PLAAT5: variants seen among roughly 807,000 people sequenced by gnomAD.
PLAAT5 encodes the protein phospholipase A and acyltransferase 5.
In PLAAT5, 27 loss-of-function variants were observed where a neutral mutation model predicts 27.8. The ratio of observed to expected loss-of-function variants is 0.97; its 90% CI spans 0.72 to 1.34. PLAAT5 has a LOEUF of 1.34. PLAAT5 is among the 40% of genes most tolerant of loss of function. The pLI is 0.00. For missense variants in PLAAT5, 368 were observed against 343.8 expected (o/e 1.07, Z -0.56); for synonymous variants, 125 against 136.1 (o/e 0.92, Z 0.57).
At chr11:63,484,932 T>C (rs1197777500) in intron 3 of PLAAT5, among the ~76,000 whole-genome samples, 2 of 152,114 alleles carry the variant, frequency 1.3e-5, no homozygotes, top group African/African-American at 4.8e-5. Context: ...GGTAAATCAA[T>C]TTAGCAAAGT....
intron 3 of PLAAT5, among the ~76,000 whole-genome samples, chr11:63,484,822 G>A (rs1402940372): frequency 6.6e-6 from 1 of 152,098 alleles, no homozygotes; most frequent in African/African-American, 2.4e-5. Flanking sequence ...AGAAATAAAG[G>A]GCATCCAAAT....
intron 4 of PLAAT5, 118 bp from the exon 5 acceptor site, chr11:63,466,490 G>A: frequency 9.7e-7 from 1 of 1,031,754 alleles, no homozygotes; most frequent in Admixed American, 2.7e-5. Context: ...CAGTAGAAGG[G>A]TGGCAGAAGA....
chr11:63,473,647 G>T (rs1307820045), intron 3 of PLAAT5, among the ~76,000 whole-genome samples: 8 of 150,660 alleles, frequency 5.3e-5, no homozygotes, highest in Admixed American at 5.3e-4. Context: ...TTTTCCAGAG[G>T]TATTGAGATG....
intron 3 of PLAAT5, among the ~76,000 whole-genome samples, chr11:63,484,623 C>T (rs2016391326): frequency 1.3e-5 from 2 of 152,022 alleles, no homozygotes; most frequent in Non-Finnish European, 2.9e-5. Context: ...TCAACAAAAT[C>T]AGCATAAAAG....
At position 63,490,944 on chromosome 11, in the gene PLAAT5, T is replaced by A. The variant is rs10897424; in HGVS notation, c.91A>T (p.Ser31Cys). ...GGCGGCTGGTCCTTGGGCCCGGTAC[T>A]GGCGGTTCGCGAGGCGGGTTTGGGG... is the stretch of plus-strand genomic sequence containing the variant. ...PLPKPASRTA[S>C]TGPKDQPPAL... The change falls in exon 1 of 6, where the codon AGT becomes TGT. Residue 31 changes from serine to cysteine, a missense_variant. By Grantham distance (112) the Ser-to-Cys change is moderately radical (BLOSUM62 -1). Coordinates refer to ENST00000540857, the MANE Select transcript of PLAAT5 (RefSeq NM_001146729.2). 1 of 1,599,646 alleles carries A rather than the reference T, an allele frequency of 6.3e-7. No individual in the cohort carries two copies. The highest frequency in any genetic ancestry group is 8.5e-7 in the Non-Finnish European group (1 of 1,173,604).
chr11:63,488,172 GAGAC>G (rs773474521), intron 3 of PLAAT5, among the ~76,000 whole-genome samples: 170 of 152,196 alleles, frequency 1.1e-3, no homozygotes, highest in Non-Finnish European at 1.7e-3. Flanking sequence ...TTATATGAAG[GAGAC>G]AGACAAAGAA....
chr11:63,471,126 A>G (rs1189185881), intron 3 of PLAAT5, among the ~76,000 whole-genome samples: 3 of 152,210 alleles, frequency 2.0e-5, no homozygotes, highest in African/African-American at 7.2e-5. Context: ...TTCATACTAA[A>G]AGATACTTTT....
At chr11:63,468,215 C>T in intron 4 of PLAAT5, 142 bp downstream of exon 4, 1 of 664,810 alleles carries the variant, frequency 1.5e-6, no homozygotes, top group Non-Finnish European at 2.6e-6. Flanking sequence ...AGCTCTGTCA[C>T]ACAGTAAGCA....
At chr11:63,479,503 C>T (rs889977484) in intron 3 of PLAAT5, among the ~76,000 whole-genome samples, 2 of 152,124 alleles carry the variant, frequency 1.3e-5, no homozygotes, top group African/African-American at 4.8e-5. Flanking sequence ...GTTAAATTGC[C>T]TTTAATTTAT....
Position 63,463,350 on chromosome 11 carries a change from A to C in PLAAT5, c.*153T>G. The C allele has an allele frequency of 1.4e-6, 1 of 690,300 alleles. No individual in the cohort carries two copies. Among genetic ancestry groups the C allele is most frequent in the Non-Finnish European group, 2.6e-6 (1 of 380,650 alleles). 42.8% of individuals were successfully genotyped at this position (690,300 alleles called of 1,614,324 possible). A position where few individuals can be genotyped will look rare whatever the true frequency, so the allele number is the denominator to read the frequency against. Reference sequence around the variant, plus strand: ...GTGGGTCTATGCTCGTATATATTGGATGTATTTCTGGAAGGGTAATTGGAT... The same window carrying C: ...GTGGGTCTATGCTCGTATATATTGGCTGTATTTCTGGAAGGGTAATTGGAT... On this transcript the variant is annotated 3_prime_UTR_variant, in exon 6 of 6. Transcript: ENST00000540857.
At chr11:63,482,334 A>G (rs1453878830) in intron 3 of PLAAT5, among the ~76,000 whole-genome samples, 3 of 152,208 alleles carry the variant, frequency 2.0e-5, no homozygotes, top group African/African-American at 7.2e-5. Flanking sequence ...AAATCAAGAC[A>G]AAGGAAAGAA....
intron 3 of PLAAT5, among the ~76,000 whole-genome samples, chr11:63,471,264 A>G (rs2016016550): frequency 6.6e-6 from 1 of 152,252 alleles, no homozygotes; most frequent in African/African-American, 2.4e-5. Context: ...AGTGTTGAGT[A>G]CAGAAAATAA....
Position 63,483,799 on chromosome 11 carries a change from A to ATATG in PLAAT5, c.345+5071_345+5072insCATA, listed in dbSNP as rs1345151285. Among the ~76,000 whole-genome samples, 25 of 50,794 alleles carry ATATG rather than the reference A, an allele frequency of 4.9e-4. No individual in the cohort carries two copies. The African/African-American group carries it at 6.2e-3, about 13-fold the overall frequency. The allele number at this position is 50,794 out of a possible 152,430, so 33.3% of individuals were successfully genotyped here. On this transcript the variant is annotated intron_variant, in intron 3 of 5. Transcript: ENST00000540857. ...GCAAAAAAAAAATATATATATATATATGTATATATATATATATATATATAT... is the reference window on the plus strand; with the variant it reads ...GCAAAAAAAAAATATATATATATATATATGTGTATATATATATATATATATATAT...
chr11:63,473,774 G>A (rs1336983836), intron 3 of PLAAT5, among the ~76,000 whole-genome samples: 3 of 149,710 alleles, frequency 2.0e-5, no homozygotes, highest in Admixed American at 6.7e-5. Context: ...GTGCAGTGGC[G>A]CAATCTTGGC....
intron 1 of PLAAT5, chr11:63,490,621 C>G (rs1185676263): frequency 1.6e-6 from 1 of 607,012 alleles, no homozygotes; most frequent in South Asian, 2.0e-5. Context: ...GAACCTCTGC[C>G]GAGCCAGAGC....
At chr11:63,482,216 T>G (rs1016967255) in intron 3 of PLAAT5, among the ~76,000 whole-genome samples, 2 of 152,102 alleles carry the variant, frequency 1.3e-5, no homozygotes, top group African/African-American at 4.8e-5. Flanking sequence ...TGAGAAAAAT[T>G]TCCCTGGCCT....
rs761668281 is a variant in PLAAT5 at position 63,466,267 on chromosome 11, T to G, written c.560A>C (p.Asn187Thr). 3 of 1,614,218 alleles carry G rather than the reference T, an allele frequency of 1.9e-6. No individual in the cohort carries two copies. The South Asian group carries it at 3.3e-5, about 18-fold the overall frequency. ...DVLHGCSWKV[N>T]NKLDGTYLPL... ...CAGGTACGTCCCATCTAGCTTGTTA[T>G]TGACCTTCCAGGAGCAGCCATGCAG... The change falls in exon 5 of 6, where the codon AAT becomes ACT. Residue 187 changes from asparagine (N) to threonine (T), a missense_variant. Asn to Thr is a moderately conservative substitution (Grantham distance 65). Transcript: ENST00000540857.
chr11:63,487,447 G>A (rs947571281), intron 3 of PLAAT5, among the ~76,000 whole-genome samples: 2 of 152,034 alleles, frequency 1.3e-5, no homozygotes, highest in African/African-American at 4.8e-5. Flanking sequence ...CTGATGAACT[G>A]GAACTCTTAT....
chr11:63,478,867 T>A (rs2016215663), intron 3 of PLAAT5, among the ~76,000 whole-genome samples: 1 of 152,106 alleles, frequency 6.6e-6, no homozygotes, highest in South Asian at 2.1e-4. Context: ...GAGGAAGTGC[T>A]TTGTCTAAAG....
Sources: allele counts gnomAD v4.1 joint callset (sites outside exome capture counted in the v4.1 genomes callset), GRCh38; gene constraint gnomAD v4.1.1; transcripts MANE v1.5; gene names NCBI Gene and HGNC (gene_info 2026-07-23, HGNC 2026-07-21).